Variants in IGFBP1 observed in about 807,000 individuals in gnomAD.
IGFBP1 encodes the protein insulin-like growth factor-binding protein 1.
A neutral mutation model predicts 23.1 loss-of-function variants in IGFBP1; 31 were observed. That is an observed-to-expected ratio of 1.34 (90% CI 1.01 to 1.81). The LOEUF (loss-of-function observed/expected upper bound fraction) is 1.81, where lower values mean the gene tolerates loss of function less well. IGFBP1 is among the 40% of genes most tolerant of loss of function. The pLI is 0.00. For missense variants in IGFBP1, 333 were observed against 342.2 expected (o/e 0.97, Z 0.21); for synonymous variants, 148 against 145.5 (o/e 1.02, Z -0.13).
At chr7:45,892,137 C>A (rs1787089907) in intron 3 of IGFBP1, 77 bp downstream of exon 3, 1 of 1,514,846 alleles carries the variant, frequency 6.6e-7, no homozygotes, top group Non-Finnish European at 9.1e-7. Context: ...CACGGTCATT[C>A]ATGTCAAAGA....
intron 1 of IGFBP1, among the ~76,000 whole-genome samples, chr7:45,890,268 T>C (rs1235488871): frequency 6.6e-6 from 1 of 152,208 alleles, no homozygotes; most frequent in Non-Finnish European, 1.5e-5. Context: ...CATTTGTTGC[T>C]CTGCTCCCCT....
chr7:45,889,471 G>A lies in IGFBP1; in HGVS notation c.349+470G>A, dbSNP rs552593747. Reference sequence around the variant, plus strand: ...TCCCTCCTGCTGGCCTCCCCAGGAGGTGTTTGGAATGTCCTTTGTAATATA... The same window carrying A: ...TCCCTCCTGCTGGCCTCCCCAGGAGATGTTTGGAATGTCCTTTGTAATATA... On this transcript the variant is annotated intron_variant, in intron 1 of 3. Transcript: ENST00000275525. 2.6e-5 allele frequency among the ~76,000 whole-genome samples: 4 copies of A among 152,344 alleles called. No homozygotes were observed. In the South Asian group the frequency reaches 8.3e-4, roughly 32 times the overall value.
Position 45,893,163 on chromosome 7 carries a change from C to A in IGFBP1, c.*72C>A. The A allele has an allele frequency of 1.1e-6, 1 of 902,192 alleles. No individual in the cohort carries two copies. Among genetic ancestry groups the A allele is most frequent in the Non-Finnish European group, 1.6e-6 (1 of 616,542 alleles). The allele number at this position is 902,192 out of a possible 1,614,324, so 55.9% of individuals were successfully genotyped here. The stretch of plus-strand genomic sequence containing the variant: ...GTATATTTATACTCTAGAACATGCA[C>A]ATTTATATATATATGTATATGTATA... On this transcript the variant is annotated 3_prime_UTR_variant, in exon 4 of 4. Coordinates refer to ENST00000275525, the MANE Select transcript of IGFBP1 (RefSeq NM_000596.4).
chr7:45,890,729 C>T lies in IGFBP1; in HGVS notation c.519+12C>T. The T allele has an allele frequency of 3.8e-6, 6 of 1,589,326 alleles. No homozygotes were observed. The highest frequency in any genetic ancestry group is 5.1e-6 in the Non-Finnish European group (6 of 1,167,722). On this transcript the variant is annotated intron_variant, in intron 2 of 3. Coordinates refer to ENST00000275525, the MANE Select transcript of IGFBP1 (RefSeq NM_000596.4). The stretch of plus-strand genomic sequence containing the variant: ...TCAAAAAATGGAAGGTGAGGCCCAG[C>T]AGGTGGGTGGTGGGAACTCTCCTGT...
chr7:45,891,159 C>T (rs758798533), intron 2 of IGFBP1, among the ~76,000 whole-genome samples: 3 of 152,186 alleles, frequency 2.0e-5, no homozygotes, highest in Non-Finnish European at 2.9e-5. Context: ...ATAAGTAATG[C>T]ATGTTATTCT....
Position 45,888,895 on chromosome 7 carries a change from A to C in IGFBP1, c.243A>C (p.Gly81=). 1.3e-6 allele frequency: 2 copies of C among 1,501,146 alleles called. No homozygotes were observed. The highest frequency in any genetic ancestry group is 8.8e-7 in the Non-Finnish European group (1 of 1,136,008). 93.0% of individuals were successfully genotyped at this position (1,501,146 alleles called of 1,614,324 possible). The change falls in exon 1 of 4, where the codon GGA becomes GGC. Residue 81 remains glycine, a synonymous_variant. Coordinates refer to ENST00000275525, the MANE Select transcript of IGFBP1 (RefSeq NM_000596.4). The stretch of plus-strand genomic sequence containing the variant: ...TGGCGACTGCACGCTGCGCCCGGGG[A>C]CTCAGTTGCCGCGCGCTGCCGGGGG... ...CGVATARCAR[G]LSCRALPGEQ...
At position 45,888,723 on chromosome 7, in the gene IGFBP1, C is replaced by T. The variant is rs761982277; in HGVS notation, c.71C>T (p.Ala24Val). 8.8e-6 allele frequency: 14 copies of T among 1,595,756 alleles called. No individual in the cohort carries two copies. The highest frequency in any genetic ancestry group is 1.3e-5 in the African/African-American group (1 of 74,664). ...LLLTVQVGVT[A>V]GAPWQCAPCS... Reference sequence around the variant, plus strand: ...CTGACTGTCCAGGTCGGCGTGACAGCCGGCGCTCCGTGGCAGTGCGCGCCC... The same window carrying T: ...CTGACTGTCCAGGTCGGCGTGACAGTCGGCGCTCCGTGGCAGTGCGCGCCC... The change falls in exon 1 of 4, where the codon GCC becomes GTC. Residue 24 changes from alanine to valine, a missense_variant. Transcript: ENST00000275525.
In IGFBP1 at chr7:45,893,514, T is replaced by C. The variant is rs932117716; in HGVS notation, c.*423T>C. 6.6e-5 allele frequency: 10 copies of C among 152,382 alleles called. No homozygotes were observed. Among genetic ancestry groups the C allele is most frequent in the African/African-American group, 2.2e-4 (9 of 41,458 alleles). 9.4% of individuals were successfully genotyped at this position (152,382 alleles called of 1,614,324 possible). On this transcript the variant is annotated 3_prime_UTR_variant, in exon 4 of 4. Coordinates refer to ENST00000275525, the MANE Select transcript of IGFBP1 (RefSeq NM_000596.4). ...TGTATATTCCACCATTCACATTTGA[T>C]GTACATGTGTAGGGAAAGTTAAAAG...
Position 45,889,010 on chromosome 7 carries a change from G to A in IGFBP1, c.349+9G>A, listed in dbSNP as rs1787033179. On this transcript the variant is annotated intron_variant, in intron 1 of 3. Coordinates refer to ENST00000275525, the MANE Select transcript of IGFBP1 (RefSeq NM_000596.4). The stretch of plus-strand genomic sequence containing the variant: ...CGCTCCCCATGCTGCAGGTACCACA[G>A]TCCCGCCCCTGCTCCAGCACCTCCT... 2.0e-6 allele frequency: 3 copies of A among 1,500,440 alleles called. No homozygotes were observed. The highest frequency in any genetic ancestry group is 2.7e-6 in the Non-Finnish European group (3 of 1,131,182). The allele number at this position is 1,500,440 out of a possible 1,614,324, so 92.9% of individuals were successfully genotyped here.
Position 45,888,849 on chromosome 7 carries a change from C to T in IGFBP1, c.197C>T (p.Pro66Leu), listed in dbSNP as rs1489480063. The T allele has an allele frequency of 3.3e-6, 5 of 1,523,392 alleles. No homozygotes were observed. Among genetic ancestry groups the T allele is most frequent in the Non-Finnish European group, 2.6e-6 (3 of 1,144,646 alleles). 94.4% of individuals were successfully genotyped at this position (1,523,392 alleles called of 1,614,324 possible). The change falls in exon 1 of 4, where the codon CCT (proline) becomes CTT (leucine). Residue 66 changes from proline to leucine, a missense_variant. Coordinates refer to ENST00000275525, the MANE Select transcript of IGFBP1 (RefSeq NM_000596.4). ...GGCTGTTGCCCGATGTGCGCCCTGCCTCTGGGCGCCGCGTGCGGCGTGGCG... is the reference window on the plus strand; with the variant it reads ...GGCTGTTGCCCGATGTGCGCCCTGCTTCTGGGCGCCGCGTGCGGCGTGGCG... ...GCGCCPMCAL[P>L]LGAACGVATA... is the part of the protein sequence containing the mutation.
At chr7:45,891,742 TAAGAC>T (rs1250433778) in intron 2 of IGFBP1, among the ~76,000 whole-genome samples, 185 bp from the exon 3 acceptor site, 1 of 152,148 alleles carries the variant, frequency 6.6e-6, no homozygotes, top group East Asian at 1.9e-4. Flanking sequence ...CTGAACAACT[TAAGAC>T]AGACTAACTG....
chr7:45,892,181 G>A, intron 3 of IGFBP1, 121 bp downstream of exon 3: 2 of 1,083,674 alleles, frequency 1.8e-6, no homozygotes, highest in Non-Finnish European at 2.7e-6. Flanking sequence ...AGAAGTGGTT[G>A]TATTGAGCCA....
chr7:45,891,876 A>T (rs577810813), intron 2 of IGFBP1, 56 bp from the exon 3 acceptor site: 1 of 1,549,908 alleles, frequency 6.5e-7, no homozygotes, highest in Non-Finnish European at 8.8e-7. Flanking sequence ...GTCATTGTCT[A>T]GGCTGATAAT....
intron 1 of IGFBP1, among the ~76,000 whole-genome samples, 193 bp from the exon 2 acceptor site, chr7:45,890,355 G>A (rs539325944): frequency 6.6e-6 from 1 of 152,296 alleles, no homozygotes; most frequent in African/African-American, 2.4e-5. Flanking sequence ...GAGCTGGCAT[G>A]CTGTTGGGAC....
chr7:45,891,840 C>A, intron 2 of IGFBP1, 92 bp from the exon 3 acceptor site: 1 of 1,341,000 alleles, frequency 7.5e-7, no homozygotes, highest in South Asian at 1.4e-5. Flanking sequence ...AGGGCCACTC[C>A]TGCTTCTACA....
intron 3 of IGFBP1, 134 bp from the exon 4 acceptor site, chr7:45,892,826 C>T: frequency 1.4e-6 from 1 of 722,768 alleles, no homozygotes; most frequent in South Asian, 1.8e-5. Context: ...GCATCATGGG[C>T]AGCTGGTTTC....
Position 45,888,860 on chromosome 7 carries a change from G to C in IGFBP1, c.208G>C (p.Ala70Pro). 1 of 1,513,066 alleles carries C rather than the reference G, an allele frequency of 6.6e-7. No individual in the cohort carries two copies. The highest frequency in any genetic ancestry group is 8.8e-7 in the Non-Finnish European group (1 of 1,140,268). The allele number at this position is 1,513,066 out of a possible 1,614,324, so 93.7% of individuals were successfully genotyped here. A position where few individuals can be genotyped will look rare whatever the true frequency, so the allele number is the denominator to read the frequency against. The part of the protein sequence containing the change: ...CPMCALPLGA[A>P]CGVATARCAR... Reference sequence around the variant, plus strand: ...GATGTGCGCCCTGCCTCTGGGCGCCGCGTGCGGCGTGGCGACTGCACGCTG... The same window carrying C: ...GATGTGCGCCCTGCCTCTGGGCGCCCCGTGCGGCGTGGCGACTGCACGCTG... Residue 70 changes from alanine (A) to proline (P), a missense_variant, in exon 1 of 4, where the codon GCG (alanine) becomes CCG (proline). Coordinates refer to ENST00000275525, the MANE Select transcript of IGFBP1 (RefSeq NM_000596.4).
chr7:45,892,922 G>C, intron 3 of IGFBP1, 38 bp from the exon 4 acceptor site: 2 of 1,598,898 alleles, frequency 1.3e-6, no homozygotes, highest in South Asian at 1.1e-5. Context: ...CTGTCAGCTT[G>C]TCATCTGCTG....
At chr7:45,889,073 C>G in intron 1 of IGFBP1, 72 bp downstream of exon 1, 1 of 1,171,150 alleles carries the variant, frequency 8.5e-7, no homozygotes, top group East Asian at 2.9e-5. Context: ...GCCCCCACTC[C>G]CCTAACTACT....
Sources: allele counts gnomAD v4.1 joint callset (sites outside exome capture counted in the v4.1 genomes callset), GRCh38; gene constraint gnomAD v4.1.1; transcripts MANE v1.5; gene names NCBI Gene and HGNC (gene_info 2026-07-23, HGNC 2026-07-21).